The following EYS variants were observed in gnomAD, a reference collection of about 807,000 sequenced individuals.
The protein encoded by EYS is EGF-like photoreceptor maintenance factor.
Under a neutral mutation model 282.1 loss-of-function variants are expected in EYS, and 250 were observed. The observed-to-expected ratio is 0.89, with a 90% CI of 0.80 to 0.98. EYS has a LOEUF of 0.98. Among genes scored for constraint, EYS ranks in the 50% least tolerant of loss-of-function variants. The pLI is 0.00. For synonymous variants in EYS, 1,355 were observed against 1,282.9 expected (o/e 1.06, Z -1.20); for missense variants, 4,016 against 3,709.0 (o/e 1.08, Z -2.15).
intron 22 of EYS, among the ~76,000 whole-genome samples, chr6:64,773,864 C>G (rs1773599676): frequency 6.6e-6 from 1 of 151,026 alleles, no homozygotes; most frequent in Admixed American, 6.6e-5. Context: ...CAAATATTTT[C>G]TCCCATTCTG....
intron 31 of EYS, among the ~76,000 whole-genome samples, chr6:64,165,368 T>C (rs1764258712): frequency 6.6e-6 from 1 of 152,104 alleles, no homozygotes; most frequent in Non-Finnish European, 1.5e-5. Flanking sequence ...AATAAGATTT[T>C]ATTTGAATAA....
At chr6:65,194,318 A>T (rs1003596805) in intron 12 of EYS, among the ~76,000 whole-genome samples, 1 of 151,954 alleles carries the variant, frequency 6.6e-6, no homozygotes, top group Non-Finnish European at 1.5e-5. Flanking sequence ...GTGGCTCATG[A>T]ATTAGAAAAA....
intron 16 of EYS, among the ~76,000 whole-genome samples, chr6:64,911,997 ATT>A (rs945276691): frequency 5.3e-5 from 8 of 152,088 alleles, no homozygotes; most frequent in African/African-American, 1.9e-4. Context: ...CTTGCATAGG[ATT>A]TCTCTCTTGA....
At chr6:64,988,458 C>T (rs935975290) in intron 14 of EYS, among the ~76,000 whole-genome samples, 2 of 151,530 alleles carry the variant, frequency 1.3e-5, no homozygotes, top group Admixed American at 6.6e-5. Context: ...GTTTCTTACT[C>T]TATGAAAAAA....
At chr6:65,014,838 A>T (rs1329395012) in intron 13 of EYS, among the ~76,000 whole-genome samples, 3 of 152,158 alleles carry the variant, frequency 2.0e-5, no homozygotes, top group African/African-American at 7.2e-5. Context: ...TGTGGCCAAT[A>T]AGAATTTGCA....
intron 35 of EYS, among the ~76,000 whole-genome samples, chr6:63,981,000 T>C (rs1767063536): frequency 6.6e-6 from 1 of 151,842 alleles, no homozygotes; most frequent in South Asian, 2.1e-4. Context: ...AGGGTTTCTC[T>C]AAATTTCTTT....
intron 41 of EYS, among the ~76,000 whole-genome samples, chr6:63,758,398 A>C (rs1769547227): frequency 6.6e-6 from 1 of 152,182 alleles, no homozygotes; most frequent in Non-Finnish European, 1.5e-5. Context: ...GAAAATGATA[A>C]AAATATCTAT....
chr6:64,470,712 T>G (rs1328968663), intron 26 of EYS, among the ~76,000 whole-genome samples: 3 of 152,168 alleles, frequency 2.0e-5, no homozygotes, highest in Non-Finnish European at 4.4e-5. Context: ...TGGACAAACT[T>G]GGACTAGCTT....
At chr6:63,769,708 G>C (rs1452150511) in intron 40 of EYS, among the ~76,000 whole-genome samples, 1 of 152,012 alleles carries the variant, frequency 6.6e-6, no homozygotes, top group Non-Finnish European at 1.5e-5. Flanking sequence ...AAACTCATTT[G>C]AATTCCTAAA....
intron 22 of EYS, among the ~76,000 whole-genome samples, chr6:64,693,653 C>A (rs1770475437): frequency 6.6e-6 from 1 of 151,782 alleles, no homozygotes; most frequent in Admixed American, 6.6e-5. Flanking sequence ...ATTAATAGAC[C>A]CAAATGTATT....
At chr6:64,890,700 T>C (rs1158915003) in intron 18 of EYS, among the ~76,000 whole-genome samples, 2 of 152,160 alleles carry the variant, frequency 1.3e-5, no homozygotes, top group African/African-American at 4.8e-5. Flanking sequence ...GAATCTCAAA[T>C]ATGTACCTTA....
chr6:63,736,711 G>A (rs375027788), intron 41 of EYS, among the ~76,000 whole-genome samples: 42 of 152,086 alleles, frequency 2.8e-4, no homozygotes, highest in Non-Finnish European at 4.1e-4. Context: ...GATTCTTCCT[G>A]CCCATGAGCA....
In EYS at chr6:64,233,508, A is replaced by G. The variant is rs1766492482; in HGVS notation, c.6192-2684T>C. Among the ~76,000 whole-genome samples, 3 of 152,224 alleles carry G rather than the reference A, an allele frequency of 2.0e-5. 1 individual carries two copies. The South Asian group carries it at 6.2e-4, about 32-fold the overall frequency. Reference sequence around the variant, plus strand: ...TCAAGTGACTGTGGAGGTTTATTAAACATAACTAGATGTTGGACTTAGTAA... The same window carrying G: ...TCAAGTGACTGTGGAGGTTTATTAAGCATAACTAGATGTTGGACTTAGTAA... On this transcript the variant is annotated intron_variant, in intron 30 of 42. Coordinates refer to ENST00000503581, the MANE Select transcript of EYS (RefSeq NM_001142800.2).
chr6:64,476,480 T>C (rs546606580), intron 26 of EYS, among the ~76,000 whole-genome samples: 1 of 152,262 alleles, frequency 6.6e-6, no homozygotes, highest in Non-Finnish European at 1.5e-5. Flanking sequence ...GATCTCTGGG[T>C]ATATCCAAGG....
In EYS at chr6:65,407,524, G is replaced by C. The variant is rs1028613332; in HGVS notation, c.863-2157C>G. On this transcript the variant is annotated intron_variant, in intron 5 of 42. Transcript: ENST00000503581. The stretch of plus-strand genomic sequence containing the variant: ...CCGTCTCGGCCTCCCAAAGTGCTGG[G>C]ATTACAGGCGTGAGCCACTATGCCC... 3.9e-5 allele frequency among the ~76,000 whole-genome samples: 6 copies of C among 152,218 alleles called. No individual in the cohort carries two copies. The East Asian group carries it at 1.2e-3, about 29-fold the overall frequency.
intron 12 of EYS, among the ~76,000 whole-genome samples, chr6:65,111,558 C>T (rs967982403): frequency 6.6e-6 from 1 of 152,120 alleles, no homozygotes; most frequent in African/African-American, 2.4e-5. Context: ...CAAAATGGCA[C>T]CCACATGGGC....
intron 15 of EYS, among the ~76,000 whole-genome samples, chr6:64,940,269 TG>T (rs781775616): frequency 6.6e-6 from 1 of 152,146 alleles, no homozygotes; most frequent in East Asian, 1.9e-4. Flanking sequence ...ACCCAACTTT[TG>T]CAACCCTAGG....
chr6:64,774,883 C>A (rs1773632899), intron 22 of EYS, among the ~76,000 whole-genome samples: 1 of 151,922 alleles, frequency 6.6e-6, no homozygotes, highest in Non-Finnish European at 1.5e-5. Flanking sequence ...AAATCTAATT[C>A]TTTCTTCTGG....
chr6:64,883,132 T>C lies in EYS; in HGVS notation c.2992+3565A>G, dbSNP rs1211381312. Among the ~76,000 whole-genome samples the C allele has an allele frequency of 2.0e-4, 30 of 150,354 alleles. No individual in the cohort carries two copies. The Admixed American group carries it at 2.0e-3, about 10-fold the overall frequency. ...TTGTCCATATTTTCCCAAACTATGC[T>C]TCTTTATACATGTACTCAAGGCAGA... is the stretch of plus-strand genomic sequence containing the variant. On this transcript the variant is annotated intron_variant, in intron 19 of 42. Transcript: ENST00000503581.
Sources: gnomAD v4.1 joint callset for allele counts (sites outside exome capture counted in the v4.1 genomes callset) on GRCh38, gnomAD v4.1.1 for gene constraint, MANE v1.5 for transcripts, NCBI Gene and HGNC (gene_info 2026-07-23, HGNC 2026-07-21) for gene names.